Variants in AK9 observed in about 807,000 individuals in gnomAD.
The protein encoded by AK9 is adenylate kinase 9.
A neutral mutation model predicts 239.6 loss-of-function variants in AK9; 191 were observed. The ratio of observed to expected loss-of-function variants is 0.80; its 90% confidence interval spans 0.71 to 0.90. The LOEUF is 0.90. Ranked by LOEUF, AK9 falls within the 40% of genes least tolerant of loss-of-function variation. The pLI, the probability that AK9 is intolerant of heterozygous loss-of-function variation, is 0.00. For synonymous variants in AK9, 689 were observed against 721.0 expected (o/e 0.96, Z 0.71); for missense variants, 1,995 against 2,214.7 (o/e 0.90, Z 1.99).
chr6:109,500,128 C>G (rs937810136), intron 35 of AK9, among the ~76,000 whole-genome samples: 49 of 149,686 alleles, frequency 3.3e-4, no homozygotes, highest in African/African-American at 1.2e-3. Flanking sequence ...TAAAAAAAAC[C>G]TATGGGCTAG....
chr6:109,592,757 T>TTA (rs2128220320), intron 17 of AK9, among the ~76,000 whole-genome samples: 1 of 151,052 alleles, frequency 6.6e-6, no homozygotes, highest in Admixed American at 6.7e-5. Flanking sequence ...GATTTTTTTT[T>TTA]ATAAGTGATT....
rs1377621702 is a variant in AK9 at position 109,610,370 on chromosome 6, C to A, written c.1837G>T (p.Gly613Ter). 6.4e-7 allele frequency: 1 copy of A among 1,551,304 alleles called. No individual in the cohort carries two copies. Among genetic ancestry groups the A allele is most frequent in the Non-Finnish European group, 8.7e-7 (1 of 1,146,774 alleles). Residue 613 changes from glycine to a stop codon, truncating the protein, a stop_gained, in exon 17 of 41, where the codon GGA becomes TGA. Coordinates refer to ENST00000424296, the MANE Select transcript of AK9 (RefSeq NM_001145128.3). LOFTEE classifies it high-confidence loss of function. ...TGCCCAGCTAGATTTTTTACCTCTC[C>A]AAGGACTTCCTGTAAGATTTCAGCA... ...KHAEILQEVL[G>*]EVMEENKDRF...
intron 21 of AK9, among the ~76,000 whole-genome samples, chr6:109,565,985 C>G (rs1208441841): frequency 6.6e-6 from 1 of 152,024 alleles, no homozygotes; most frequent in Non-Finnish European, 1.5e-5. Flanking sequence ...TTAAGAAAAT[C>G]ATTACAAACC....
At chr6:109,621,903 A>AAAAAAAAAAC (rs1179664497) in intron 12 of AK9, among the ~76,000 whole-genome samples, 1 of 66,282 alleles carries the variant, frequency 1.5e-5, no homozygotes, top group African/African-American at 4.0e-5. Flanking sequence ...TAAAAAAAAA[A>AAAAAAAAAAC]AAAAAAAAAC....
At chr6:109,497,604 T>C in intron 37 of AK9, 41 bp from the exon 38 acceptor site, 1 of 1,425,396 alleles carries the variant, frequency 7.0e-7, no homozygotes, top group South Asian at 1.2e-5. Flanking sequence ...TATTGTATAA[T>C]TAATATGCAG....
intron 38 of AK9, among the ~76,000 whole-genome samples, chr6:109,495,727 G>A (rs1010785658): frequency 7.9e-5 from 12 of 152,068 alleles, no homozygotes; most frequent in Admixed American, 7.9e-4. Context: ...CTCACCCCCA[G>A]GCAGATGCCA....
At chr6:109,584,832 T>C (rs1037374158) in intron 19 of AK9, among the ~76,000 whole-genome samples, 1 of 152,150 alleles carries the variant, frequency 6.6e-6, no homozygotes, top group Non-Finnish European at 1.5e-5. Flanking sequence ...CAGATAAATA[T>C]AACAATATAT....
At chr6:109,548,396 T>C (rs1783882197) in intron 25 of AK9, among the ~76,000 whole-genome samples, 1 of 152,174 alleles carries the variant, frequency 6.6e-6, no homozygotes, top group Non-Finnish European at 1.5e-5. Flanking sequence ...ACATCAAATT[T>C]ATGGTGAAGC....
chr6:109,617,785 C>T (rs1041389211), intron 13 of AK9, among the ~76,000 whole-genome samples: 15 of 152,098 alleles, frequency 9.9e-5, no homozygotes, highest in African/African-American at 3.4e-4. Flanking sequence ...GAATGGTTCT[C>T]GTTCTAAGTA....
At chr6:109,580,653 T>C (rs970238346) in intron 19 of AK9, among the ~76,000 whole-genome samples, 8 of 152,180 alleles carry the variant, frequency 5.3e-5, no homozygotes, top group African/African-American at 1.9e-4. Flanking sequence ...AAGACATTAC[T>C]ACACCTCTTC....
rs1227136643 is a variant in AK9, at chr6:109,621,961, AAAAC to A, written c.1255-2729_1255-2726del. On this transcript the variant is annotated intron_variant, in intron 12 of 40. Coordinates refer to ENST00000424296, the MANE Select transcript of AK9 (RefSeq NM_001145128.3). Reference sequence around the variant, plus strand: ...TTCCAGAGCAAAAAAAACAAAAAAAAAAACAAAAAAAACTGTCAAAGATATGTTC... The same window carrying A: ...TTCCAGAGCAAAAAAAACAAAAAAAAAAAAAAAACTGTCAAAGATATGTTC... Among the ~76,000 whole-genome samples the A allele has an allele frequency of 1.4e-4, 20 of 147,978 alleles. No homozygotes were observed. The East Asian group carries it at 3.9e-3, about 29-fold the overall frequency.
At chr6:109,548,409 G>A (rs905310035) in intron 25 of AK9, among the ~76,000 whole-genome samples, 2 of 152,184 alleles carry the variant, frequency 1.3e-5, no homozygotes, top group East Asian at 3.9e-4. Context: ...GGTGAAGCTT[G>A]AGAAGAAGAA....
At chr6:109,562,296 C>T (rs1785876758) in intron 24 of AK9, among the ~76,000 whole-genome samples, 2 of 152,052 alleles carry the variant, frequency 1.3e-5, no homozygotes, top group South Asian at 4.1e-4. Flanking sequence ...ATGGTCATAC[C>T]ATTAATGTAT....
chr6:109,566,077 G>T (rs930563336), intron 21 of AK9, among the ~76,000 whole-genome samples: 1 of 152,080 alleles, frequency 6.6e-6, no homozygotes, highest in Admixed American at 6.6e-5. Context: ...GACTGCAATA[G>T]TTGGGGGTGA....
intron 17 of AK9, among the ~76,000 whole-genome samples, chr6:109,602,822 T>C (rs1268397305): frequency 6.6e-6 from 1 of 152,238 alleles, no homozygotes; most frequent in East Asian, 1.9e-4. Flanking sequence ...TTCATTCATT[T>C]GATCTTTAAT....
chr6:109,514,439 T>G lies in AK9; in HGVS notation c.4066-2A>C, dbSNP rs915673217. ...CTTGATTGTCTCTCCTTCACTTAGC[T>G]GCAACATATACACAGTTGAATTTGA... On this transcript the variant is annotated splice_acceptor_variant, in intron 31 of 40. Coordinates refer to ENST00000424296, the MANE Select transcript of AK9 (RefSeq NM_001145128.3). LOFTEE classifies it high-confidence loss of function. 27 of 1,539,454 alleles carry G rather than the reference T, an allele frequency of 1.8e-5. No individual in the cohort carries two copies. The highest frequency in any genetic ancestry group is 2.5e-5 in the East Asian group (1 of 40,336).
At chr6:109,675,259 T>C (rs1771539523) in intron 2 of AK9, among the ~76,000 whole-genome samples, 1 of 152,228 alleles carries the variant, frequency 6.6e-6, no homozygotes, top group South Asian at 2.1e-4. Context: ...TTTGGTAAGT[T>C]AATTTCATCA....
At chr6:109,589,566 T>A (rs986371644) in intron 17 of AK9, among the ~76,000 whole-genome samples, 2 of 152,310 alleles carry the variant, frequency 1.3e-5, no homozygotes, top group South Asian at 4.1e-4. Context: ...TTTATTTCAT[T>A]CTCTTACCTG....
At chr6:109,529,192 T>C in intron 28 of AK9, 119 bp from the exon 29 acceptor site, 2 of 1,163,678 alleles carry the variant, frequency 1.7e-6, no homozygotes, top group Non-Finnish European at 1.2e-6. Flanking sequence ...CAGTGAACTT[T>C]GCAGGAAAGG....
Sources: gnomAD v4.1 joint callset for allele counts (sites outside exome capture counted in the v4.1 genomes callset) on GRCh38, gnomAD v4.1.1 for gene constraint, MANE v1.5 for transcripts, NCBI Gene and HGNC (gene_info 2026-07-23, HGNC 2026-07-21) for gene names.